The following PACS1 variants were observed in gnomAD, a reference collection of about 807,000 sequenced individuals.
PACS1 encodes the protein phosphofurin acidic cluster sorting protein 1, also known as PACS-1.
PACS1 carries 24 observed loss-of-function variants against 115.0 expected under a neutral mutation model. The ratio of observed to expected loss-of-function variants is 0.21; its 90% CI spans 0.15 to 0.29. The LOEUF (loss-of-function observed/expected upper bound fraction) is 0.29. Ranked by LOEUF, PACS1 falls within the 10% of genes least tolerant of loss-of-function variation. The pLI, the probability that PACS1 is intolerant of heterozygous loss-of-function variation, is 1.00. For synonymous variants in PACS1, 453 were observed against 504.5 expected (o/e 0.90, Z 1.37); for missense variants, 838 against 1,251.2 (o/e 0.67, Z 4.98).
Position 66,232,875 on chromosome 11 carries a change from G to A in PACS1, c.1732-85G>A, listed in dbSNP as rs1374235290. The A allele has an allele frequency of 1.5e-5, 15 of 1,006,394 alleles. No homozygotes were observed. The East Asian group carries it at 2.6e-4, about 18-fold the overall frequency. 62.3% of individuals were successfully genotyped at this position (1,006,394 alleles called of 1,614,324 possible). A position where few individuals can be genotyped will look rare whatever the true frequency, so the allele number is the denominator to read the frequency against. On this transcript the variant is annotated intron_variant, in intron 14 of 23. Transcript: ENST00000320580. ...CAGAGGACAGGGGCCCTGCAGCTCGGTCTGGGTCTCACTTGCCTCTTGGCC... is the reference window on the plus strand; with the variant it reads ...CAGAGGACAGGGGCCCTGCAGCTCGATCTGGGTCTCACTTGCCTCTTGGCC...
intron 1 of PACS1, among the ~76,000 whole-genome samples, chr11:66,177,786 T>A (rs1283972064): frequency 6.6e-6 from 1 of 151,498 alleles, no homozygotes; most frequent in Non-Finnish European, 1.5e-5. Flanking sequence ...TAATTTTTAA[T>A]TTTTTTTTGT....
At chr11:66,129,201 G>T (rs1167087793) in intron 1 of PACS1, among the ~76,000 whole-genome samples, 2 of 151,574 alleles carry the variant, frequency 1.3e-5, no homozygotes, top group African/African-American at 4.8e-5. Flanking sequence ...GGAGGCCGAG[G>T]TGGACAGATC....
intron 16 of PACS1, 36 bp from the exon 17 acceptor site, chr11:66,234,096 T>G: frequency 6.4e-7 from 1 of 1,555,280 alleles, no homozygotes; most frequent in Non-Finnish European, 8.9e-7. Flanking sequence ...TCTCATCTCC[T>G]GACGAATTCA....
intron 1 of PACS1, among the ~76,000 whole-genome samples, chr11:66,131,957 TA>T (rs113254213): frequency 0.032 from 4,633 of 145,602 alleles, 81 homozygotes; most frequent in South Asian, 0.072. Flanking sequence ...CCTTCCTCAT[TA>T]AAAAAAAAAA....
At chr11:66,091,778 T>G (rs1375991996) in intron 1 of PACS1, among the ~76,000 whole-genome samples, 1 of 151,900 alleles carries the variant, frequency 6.6e-6, no homozygotes, top group Non-Finnish European at 1.5e-5. Context: ...AGTGTTTGGT[T>G]TTTTGTTGTT....
chr11:66,169,551 C>T (rs1327703544), intron 1 of PACS1, among the ~76,000 whole-genome samples: 2 of 145,022 alleles, frequency 1.4e-5, no homozygotes, highest in African/African-American at 2.7e-5. Context: ...AGGTGTGTGC[C>T]ACCACGCCCG....
chr11:66,180,190 C>G lies in PACS1; in HGVS notation c.357-13296C>G, dbSNP rs914179829. ...ATTATCTTGGCTGAGCACAAATGCTCCACTGCACTCCAGCCTGGGCAACAG... is the reference window on the plus strand; with the variant it reads ...ATTATCTTGGCTGAGCACAAATGCTGCACTGCACTCCAGCCTGGGCAACAG... On this transcript the variant is annotated intron_variant, in intron 1 of 23. Coordinates refer to ENST00000320580, the MANE Select transcript of PACS1 (RefSeq NM_018026.4). Among the ~76,000 whole-genome samples, 4 of 152,162 alleles carry G rather than the reference C, an allele frequency of 2.6e-5. No homozygotes were observed. The East Asian group carries it at 7.7e-4, about 29-fold the overall frequency.
intron 1 of PACS1, among the ~76,000 whole-genome samples, chr11:66,150,483 G>T (rs938959026): frequency 6.8e-6 from 1 of 146,116 alleles, no homozygotes; most frequent in Non-Finnish European, 1.5e-5. Flanking sequence ...AAAAAAAAAA[G>T]AAACATTTTA....
intron 10 of PACS1, among the ~76,000 whole-genome samples, chr11:66,223,322 G>C (rs917864494): frequency 3.3e-5 from 5 of 151,846 alleles, no homozygotes; most frequent in Non-Finnish European, 5.9e-5. Flanking sequence ...TCAAACTCCT[G>C]ACCTCAGGTG....
At chr11:66,164,330 A>G (rs1211999345) in intron 1 of PACS1, among the ~76,000 whole-genome samples, 2 of 152,104 alleles carry the variant, frequency 1.3e-5, no homozygotes, top group Admixed American at 1.3e-4. Flanking sequence ...CAAAAATAGC[A>G]CAGTGACCCT....
rs758580060 is a variant in PACS1 at position 66,235,967 on chromosome 11, AC to A, written c.2250+31del. ...TGAGTACTGACTCCCTCTGCTTGGC[AC>A]CCCACCCGTTCTCCTGGTCTTCCTG... is the stretch of plus-strand genomic sequence containing the variant. On this transcript the variant is annotated intron_variant, in intron 19 of 23. Coordinates refer to ENST00000320580, the MANE Select transcript of PACS1 (RefSeq NM_018026.4). This position sits in a 1 kb window ranked among gnomAD's most constrained non-coding sequence, Gnocchi z 5.6. The A allele has an allele frequency of 1.2e-6, 2 of 1,603,726 alleles. No homozygotes were observed. Among genetic ancestry groups the A allele is most frequent in the Non-Finnish European group, 1.7e-6 (2 of 1,170,754 alleles).
intron 16 of PACS1, 90 bp from the exon 17 acceptor site, chr11:66,234,042 C>G: frequency 6.5e-7 from 1 of 1,536,910 alleles, no homozygotes; most frequent in African/African-American, 1.4e-5. Flanking sequence ...AAGGGACAGT[C>G]AAGGAGACCA....
intron 1 of PACS1, chr11:66,121,114 A>G (rs1422217364): frequency 1.5e-5 from 7 of 454,260 alleles, no homozygotes; most frequent in South Asian, 9.3e-5. Context: ...CTTACTTTGT[A>G]TCTCTGTGTC....
intron 1 of PACS1, among the ~76,000 whole-genome samples, chr11:66,144,704 G>A (rs372559355): frequency 4.8e-4 from 73 of 152,298 alleles, no homozygotes; most frequent in African/African-American, 1.6e-3. Flanking sequence ...CACAATCTCG[G>A]CTCGCTGCAA....
chr11:66,097,581 T>C (rs1415211397), intron 1 of PACS1, among the ~76,000 whole-genome samples: 5 of 152,230 alleles, frequency 3.3e-5, no homozygotes, highest in Non-Finnish European at 7.3e-5. Flanking sequence ...CCAGCTAAAC[T>C]GTGCCTGGGC....
chr11:66,090,125 T>C (rs1857634056), intron 1 of PACS1, among the ~76,000 whole-genome samples: 1 of 151,696 alleles, frequency 6.6e-6, no homozygotes, highest in South Asian at 2.1e-4. Flanking sequence ...TTTGGATCCA[T>C]CCAGTTTGGG....
intron 10 of PACS1, among the ~76,000 whole-genome samples, chr11:66,225,913 A>C (rs1261816784): frequency 6.6e-6 from 1 of 152,224 alleles, no homozygotes; most frequent in Non-Finnish European, 1.5e-5. Flanking sequence ...TCACACCTGT[A>C]ATCCCAGCAC....
chr11:66,232,336 A>G, intron 14 of PACS1, 60 bp downstream of exon 14: 5 of 969,470 alleles, frequency 5.2e-6, no homozygotes, highest in Non-Finnish European at 6.6e-6. Context: ...GCCCGGTTGC[A>G]TTGTCAGTGT....
intron 1 of PACS1, among the ~76,000 whole-genome samples, chr11:66,144,549 C>T (rs573996022): frequency 5.3e-5 from 8 of 152,288 alleles, no homozygotes; most frequent in South Asian, 4.1e-4. Context: ...TAGAGTTGTA[C>T]GGCAATCTTT....
Sources: gnomAD v4.1 joint callset for allele counts (sites outside exome capture counted in the v4.1 genomes callset) on GRCh38, gnomAD v4.1.1 for gene constraint, Gnocchi (gnomAD v3.1) non-coding constraint, MANE v1.5 for transcripts, NCBI Gene and HGNC (gene_info 2026-07-23, HGNC 2026-07-21) for gene names.